The following SLC30A8 variants were observed in gnomAD, a reference collection of about 807,000 sequenced individuals.
The protein encoded by SLC30A8 is solute carrier family 30 member 8.
SLC30A8 carries 27 observed loss-of-function variants against 36.9 expected under a neutral mutation model. The observed-to-expected ratio is 0.73, with a 90% CI of 0.54 to 1.01. The LOEUF (loss-of-function observed/expected upper bound fraction) is 1.01. Among genes scored for constraint, SLC30A8 ranks in the 50% least tolerant of loss-of-function variants. The pLI is 0.00. For synonymous variants in SLC30A8, 164 were observed against 172.4 expected (o/e 0.95, Z 0.38); for missense variants, 439 against 452.0 (o/e 0.97, Z 0.26).
chr8:117,003,249 C>G (rs1254516528), intron 1 of SLC30A8, among the ~76,000 whole-genome samples: 1 of 152,056 alleles, frequency 6.6e-6, no homozygotes, highest in Non-Finnish European at 1.5e-5. Context: ...TATGGTTAAT[C>G]AAGAAACAAA....
At chr8:117,060,154 A>T (rs541049526) in intron 2 of SLC30A8, among the ~76,000 whole-genome samples, 1 of 152,100 alleles carries the variant, frequency 6.6e-6, no homozygotes, top group East Asian at 1.9e-4. Context: ...AAAATAGAGA[A>T]TGGAGATGCT....
intron 1 of SLC30A8, among the ~76,000 whole-genome samples, chr8:116,955,357 G>A (rs1451630646): frequency 6.6e-6 from 1 of 152,102 alleles, no homozygotes; most frequent in Non-Finnish European, 1.5e-5. Context: ...ATGGCCATGT[G>A]AAGACACAAA....
rs115602071 is a variant in SLC30A8, at chr8:117,107,858, T to C, written c.-225-27422T>C. ...AGGTTGGGTAACTATTTTATTTTTATGGCAAAGTATTGTAAATTATAATAA... is the reference window on the plus strand; with the variant it reads ...AGGTTGGGTAACTATTTTATTTTTACGGCAAAGTATTGTAAATTATAATAA... On this transcript the variant is annotated intron_variant, in intron 2 of 10. Coordinates refer to the SLC30A8 transcript ENST00000427715. Among the ~76,000 whole-genome samples, 1,406 of 152,302 alleles carry C rather than the reference T, an allele frequency of 9.2e-3. 24 individuals are homozygous for C. Among genetic ancestry groups the C allele is most frequent in the African/African-American group, 0.032 (1,313 of 41,566 alleles).
intron 3 of SLC30A8, among the ~76,000 whole-genome samples, chr8:117,155,775 G>A (rs934954595): frequency 6.6e-6 from 1 of 152,210 alleles, no homozygotes; most frequent in Non-Finnish European, 1.5e-5. Context: ...TCCTTCTGAG[G>A]TCTGTGAGGG....
intron 4 of SLC30A8, among the ~76,000 whole-genome samples, chr8:117,160,984 C>T (rs186824180): frequency 6.6e-5 from 10 of 152,302 alleles, no homozygotes; most frequent in Middle Eastern, 3.4e-3. Context: ...TCTAATTTTA[C>T]GTTTAGTCTA....
chr8:117,140,467 C>T (rs977879841), intron 1 of SLC30A8, among the ~76,000 whole-genome samples: 1 of 151,636 alleles, frequency 6.6e-6, no homozygotes, highest in Non-Finnish European at 1.5e-5. Context: ...CTATTAAAAG[C>T]AAAACACAAA....
upstream of SLC30A8, among the ~76,000 whole-genome samples, chr8:117,131,299 T>A (rs1009623885): frequency 8.6e-5 from 13 of 152,016 alleles, no homozygotes; most frequent in African/African-American, 3.1e-4. Context: ...AGATGAAACC[T>A]CTGAAATACT....
chr8:117,162,481 G>A (rs1031804730), intron 5 of SLC30A8, among the ~76,000 whole-genome samples: 13 of 152,096 alleles, frequency 8.5e-5, no homozygotes, highest in Non-Finnish European at 8.8e-5. Context: ...ATGACTTCCC[G>A]GTAAGCCTCT....
upstream of SLC30A8, chr8:117,134,748 A>G (rs1345853899): frequency 6.6e-6 from 1 of 152,034 alleles, no homozygotes; most frequent in East Asian, 1.9e-4. Flanking sequence ...GAAACTATTG[A>G]CCCTTGTCCT....
intron 2 of SLC30A8, among the ~76,000 whole-genome samples, chr8:117,087,379 T>A (rs1311708402): frequency 6.6e-6 from 1 of 152,206 alleles, no homozygotes; most frequent in African/African-American, 2.4e-5. Context: ...GAAAGCACAT[T>A]TAATCTGTCT....
intron 2 of SLC30A8, among the ~76,000 whole-genome samples, chr8:117,059,537 T>C (rs372051009): frequency 5.8e-4 from 89 of 152,302 alleles, no homozygotes; most frequent in African/African-American, 1.9e-3. Flanking sequence ...CCTCCTTTCC[T>C]TGGGCCACAT....
At chr8:116,959,548 T>C (rs1353597768) in intron 1 of SLC30A8, among the ~76,000 whole-genome samples, 1 of 152,218 alleles carries the variant, frequency 6.6e-6, no homozygotes. Context: ...CCAGATATTT[T>C]TGTGTTCCTA....
intron 1 of SLC30A8, among the ~76,000 whole-genome samples, chr8:117,011,573 C>T (rs144012420): frequency 7.9e-5 from 12 of 152,178 alleles, no homozygotes; most frequent in Admixed American, 5.9e-4. Flanking sequence ...AGCCTCAAGG[C>T]TCTAGACTTG....
At position 117,163,076 on chromosome 8, in the gene SLC30A8, G is replaced by T. The variant is rs75964983; in HGVS notation, c.724-349G>T. On this transcript the variant is annotated intron_variant, in intron 5 of 7. Coordinates refer to ENST00000456015, the MANE Select transcript of SLC30A8 (RefSeq NM_173851.3). ...GCCAAAAAGTCTTTGGATCTTGTGGGCATATTTGTGCATACTTTCATCACA... is the reference window on the plus strand; with the variant it reads ...GCCAAAAAGTCTTTGGATCTTGTGGTCATATTTGTGCATACTTTCATCACA... Among the ~76,000 whole-genome samples, 28 of 152,302 alleles carry T rather than the reference G, an allele frequency of 1.8e-4. No homozygotes were observed. The East Asian group carries it at 5.4e-3, about 29-fold the overall frequency.
intron 5 of SLC30A8, among the ~76,000 whole-genome samples, chr8:117,162,156 G>A (rs1192782645): frequency 6.6e-6 from 1 of 152,120 alleles, no homozygotes; most frequent in Non-Finnish European, 1.5e-5. Flanking sequence ...GAAATTTATT[G>A]GATGTGCTCC....
chr8:117,137,466 A>T (rs986762167), intron 1 of SLC30A8, among the ~76,000 whole-genome samples: 2 of 152,000 alleles, frequency 1.3e-5, no homozygotes, highest in Admixed American at 1.3e-4. Flanking sequence ...CTACCCCAAG[A>T]TGTAGTGGCT....
chr8:117,167,133 A>C (rs1823097084), intron 6 of SLC30A8, among the ~76,000 whole-genome samples: 1 of 151,932 alleles, frequency 6.6e-6, no homozygotes, highest in African/African-American at 2.4e-5. Context: ...GTTGGTGTAC[A>C]ATTTGAAATG....
chr8:116,953,249 A>T (rs551246296), intron 1 of SLC30A8, among the ~76,000 whole-genome samples: 2 of 152,052 alleles, frequency 1.3e-5, no homozygotes, highest in South Asian at 4.2e-4. Flanking sequence ...AATACGTACC[A>T]CATTTTTTTT....
chr8:117,176,009 C>G lies in SLC30A8; in HGVS notation c.*3328C>G, dbSNP rs527315454. On this transcript the variant is annotated 3_prime_UTR_variant, in exon 8 of 8. Transcript: ENST00000456015. ...TAATAAAAAGAACAACTGTCCAGTG[C>G]AATGAAGGCAAAGTCATAGGTCTCC... 6.6e-6 allele frequency: 1 copy of G among 152,046 alleles called. No homozygotes were observed. Among genetic ancestry groups the G allele is most frequent in the Non-Finnish European group, 1.5e-5 (1 of 67,990 alleles). The allele number at this position is 152,046 out of a possible 1,614,324, so 9.4% of individuals were successfully genotyped here. A position where few individuals can be genotyped will look rare whatever the true frequency, so the allele number is the denominator to read the frequency against.
Sources: gnomAD v4.1 joint callset for allele counts (sites outside exome capture counted in the v4.1 genomes callset) on GRCh38, gnomAD v4.1.1 for gene constraint, MANE v1.5 for transcripts, NCBI Gene and HGNC (gene_info 2026-07-23, HGNC 2026-07-21) for gene names.